The following FER1L6 variants were observed in gnomAD, a reference collection of about 807,000 sequenced individuals.
The protein encoded by FER1L6 is fer-1-like protein 6.
Under a neutral mutation model 219.2 loss-of-function variants are expected in FER1L6, and 177 were observed. The observed-to-expected ratio is 0.81, with a 90% CI of 0.71 to 0.91. The LOEUF (loss-of-function observed/expected upper bound fraction) is 0.91, where lower values mean the gene tolerates loss of function less well. Among genes scored for constraint, FER1L6 ranks in the 40% least tolerant of loss-of-function variants. FER1L6 has a pLI of 0.00. For synonymous variants in FER1L6, 768 were observed against 824.3 expected (o/e 0.93, Z 1.17); for missense variants, 2,153 against 2,259.9 (o/e 0.95, Z 0.96).
intron 32 of FER1L6, among the ~76,000 whole-genome samples, chr8:124,081,886 A>G (rs555807189): frequency 9.2e-5 from 14 of 152,360 alleles, no homozygotes; most frequent in African/African-American, 3.4e-4. Flanking sequence ...AAGAAGACAT[A>G]TATACTCATT....
At chr8:123,965,052 C>G (rs867771470) in intron 3 of FER1L6, among the ~76,000 whole-genome samples, 2 of 152,142 alleles carry the variant, frequency 1.3e-5, no homozygotes, top group Admixed American at 6.5e-5. Flanking sequence ...ATTGATGAAC[C>G]AATTAAATGA....
Position 124,069,469 on chromosome 8 carries a change from C to A in FER1L6, c.3828C>A (p.Ile1276=). 1.2e-6 allele frequency: 2 copies of A among 1,607,400 alleles called. No homozygotes were observed. The highest frequency in any genetic ancestry group is 1.7e-6 in the Non-Finnish European group (2 of 1,177,328). The change falls in exon 29 of 41, where the codon ATC becomes ATA. Residue 1276 remains isoleucine (I), a synonymous_variant. Transcript: ENST00000522917. ...ATGATGGAATCCCCAACCTGGCCAT[C>A]TTGCAGGTATGTGGGGACACAGGCA... ...PKDDGIPNLA[I]LQIYDGDLES...
chr8:123,985,776 A>C, intron 11 of FER1L6: 1 of 262,408 alleles, frequency 3.8e-6, no homozygotes, highest in Non-Finnish European at 7.2e-6. Context: ...GCAGCATCCT[A>C]GAAAGATACG....
At chr8:123,890,750 A>G (rs538651115) in intron 1 of FER1L6, among the ~76,000 whole-genome samples, 1 of 149,412 alleles carries the variant, frequency 6.7e-6, no homozygotes, top group South Asian at 2.1e-4. Flanking sequence ...AGCCTCCAAA[A>G]CCATTTATTA....
intron 39 of FER1L6, among the ~76,000 whole-genome samples, chr8:124,110,042 C>T (rs2131018835): frequency 6.6e-6 from 1 of 152,264 alleles, no homozygotes; most frequent in Middle Eastern, 3.4e-3. Flanking sequence ...CCTAACTAAT[C>T]ACATATGACG....
chr8:123,957,292 A>G (rs530628942), intron 2 of FER1L6, among the ~76,000 whole-genome samples: 18 of 152,304 alleles, frequency 1.2e-4, no homozygotes, highest in Non-Finnish European at 1.9e-4. Context: ...AATGAGGGAC[A>G]TTGCATTTTC....
chr8:124,039,818 C>A, intron 19 of FER1L6, 64 bp from the exon 20 acceptor site: 1 of 1,604,218 alleles, frequency 6.2e-7, no homozygotes. Flanking sequence ...CACAGACACA[C>A]ATGTGCACAC....
rs73703952 is a variant in FER1L6, at chr8:124,111,418, T to C, written c.5290-7426T>C. 4.8e-3 allele frequency among the ~76,000 whole-genome samples: 734 copies of C among 152,232 alleles called. 7 individuals are homozygous for C. The highest frequency in any genetic ancestry group is 0.017 in the African/African-American group (699 of 41,536). The stretch of plus-strand genomic sequence containing the variant: ...TGTATTCCAGCTACCCTTGTCCTCT[T>C]GTTATAGGAAAGGGGTCCCAGCCCA... On this transcript the variant is annotated intron_variant, in intron 39 of 40. Transcript: ENST00000522917. The surrounding 1 kb of genome is among the most constrained non-coding windows in gnomAD (Gnocchi z 5.0).
At position 123,977,412 on chromosome 8, in the gene FER1L6, T is replaced by C; in HGVS notation, c.871-5T>C. 2.5e-6 allele frequency: 4 copies of C among 1,611,438 alleles called. No homozygotes were observed. The highest frequency in any genetic ancestry group is 3.4e-6 in the Non-Finnish European group (4 of 1,178,420). ...TGACTCATGTCCTCCTGGCTGTGTT[T>C]TTAGGGGCGAACCACAGTGCAGAAG... On this transcript the variant is annotated splice_region_variant and splice_polypyrimidine_tract_variant and intron_variant, in intron 9 of 40. Transcript: ENST00000522917.
intron 18 of FER1L6, among the ~76,000 whole-genome samples, chr8:124,026,734 C>G (rs150008299): frequency 2.1e-3 from 323 of 151,664 alleles, no homozygotes; most frequent in African/African-American, 7.0e-3. Flanking sequence ...ATGTTGCAGA[C>G]AGAAGGGCCC....
At chr8:123,912,757 G>T (rs1454891746) in intron 1 of FER1L6, among the ~76,000 whole-genome samples, 1 of 152,178 alleles carries the variant, frequency 6.6e-6, no homozygotes, top group Non-Finnish European at 1.5e-5. Flanking sequence ...CACAGTCACT[G>T]TGGTCAAGGT....
At chr8:123,856,351 A>ATATTT in intron 1 of FER1L6, among the ~76,000 whole-genome samples, 1 of 54,916 alleles carries the variant, frequency 1.8e-5, no homozygotes, top group Admixed American at 1.9e-4. Flanking sequence ...TATATATATT[A>ATATTT]GGGTCCAGGC....
chr8:124,021,448 C>G (rs568930701), intron 16 of FER1L6, 102 bp from the exon 17 acceptor site: 4 of 1,474,830 alleles, frequency 2.7e-6, no homozygotes, highest in Non-Finnish European at 3.7e-6. Flanking sequence ...GTGAGTGACT[C>G]AGTGTGGAGC....
In FER1L6 at chr8:124,111,893, G is replaced by C. The variant is rs983359992; in HGVS notation, c.5290-6951G>C. ...TAACCGTCGGGAATGCAGCCCAGTAGGTCTCAGCTCCATTGTACCCAGCTC... is the reference window on the plus strand; with the variant it reads ...TAACCGTCGGGAATGCAGCCCAGTACGTCTCAGCTCCATTGTACCCAGCTC... On this transcript the variant is annotated intron_variant, in intron 39 of 40. Transcript: ENST00000522917. This position sits in a 1 kb window ranked among gnomAD's most constrained non-coding sequence, Gnocchi z 5.0. Among the ~76,000 whole-genome samples, 7 of 152,206 alleles carry C rather than the reference G, an allele frequency of 4.6e-5. No individual in the cohort carries two copies. Among genetic ancestry groups the C allele is most frequent in the Middle Eastern group, 3.4e-3 (1 of 294 alleles).
chr8:124,037,361 C>T (rs1024283824), intron 19 of FER1L6, among the ~76,000 whole-genome samples: 9 of 152,200 alleles, frequency 5.9e-5, no homozygotes, highest in African/African-American at 2.2e-4. Flanking sequence ...ACACTCCTGT[C>T]GGGAAATCCC....
intron 18 of FER1L6, among the ~76,000 whole-genome samples, chr8:124,032,531 T>A (rs1000854192): frequency 6.6e-6 from 1 of 152,044 alleles, no homozygotes; most frequent in African/African-American, 2.4e-5. Flanking sequence ...GAGTTTGAGA[T>A]GACCCTAGGA....
At position 124,040,407 on chromosome 8, in the gene FER1L6, T is replaced by A. The variant is rs943687459; in HGVS notation, c.2589+401T>A. ...CAGTGGGGAGAAACATTTTCCAGTTTTGTGGTCAAGATGCGCTAGACTTTG... is the reference window on the plus strand; with the variant it reads ...CAGTGGGGAGAAACATTTTCCAGTTATGTGGTCAAGATGCGCTAGACTTTG... On this transcript the variant is annotated intron_variant, in intron 20 of 40. Coordinates refer to ENST00000522917, the MANE Select transcript of FER1L6 (RefSeq NM_001039112.2). 2.6e-5 allele frequency: 6 copies of A among 234,518 alleles called. No individual in the cohort carries two copies. The South Asian group carries it at 3.3e-4, about 13-fold the overall frequency. 14.5% of individuals were successfully genotyped at this position (234,518 alleles called of 1,614,324 possible). A position where few individuals can be genotyped will look rare whatever the true frequency, so the allele number is the denominator to read the frequency against.
At chr8:124,028,356 C>A (rs1017831738) in intron 18 of FER1L6, among the ~76,000 whole-genome samples, 2 of 152,126 alleles carry the variant, frequency 1.3e-5, no homozygotes, top group African/African-American at 4.8e-5. Flanking sequence ...CATTTTCATT[C>A]CTGTTTTGAT....
intron 1 of FER1L6, among the ~76,000 whole-genome samples, chr8:123,945,573 G>A (rs867764023): frequency 8.5e-5 from 13 of 152,134 alleles, no homozygotes; most frequent in Admixed American, 3.3e-4. Flanking sequence ...AATTTCTGGC[G>A]GTTACTTTTT....
Sources: gnomAD v4.1 joint callset for allele counts (sites outside exome capture counted in the v4.1 genomes callset) on GRCh38, gnomAD v4.1.1 for gene constraint, Gnocchi (gnomAD v3.1) non-coding constraint, MANE v1.5 for transcripts, NCBI Gene and HGNC (gene_info 2026-07-23, HGNC 2026-07-21) for gene names.